The following MACROD2 variants were observed in gnomAD, a reference collection of about 807,000 sequenced individuals.
MACROD2 encodes ADP-ribose glycohydrolase MACROD2.
MACROD2 carries 36 observed loss-of-function variants against 70.4 expected under a neutral mutation model. That is an observed-to-expected ratio of 0.51 (90% CI 0.39 to 0.68). The LOEUF is 0.68. Ranked by LOEUF, MACROD2 falls within the 30% of genes least tolerant of loss-of-function variation. The pLI is 0.00. For missense variants in MACROD2, 496 were observed against 538.4 expected, an observed-to-expected ratio of 0.92 and a Z score of 0.78; for synonymous variants, 172 against 178.8, an observed-to-expected ratio of 0.96 and a Z score of 0.30.
chr20:14,613,851 C>T (rs917529819), intron 4 of MACROD2, among the ~76,000 whole-genome samples: 3 of 152,142 alleles, frequency 2.0e-5, no homozygotes, highest in Non-Finnish European at 2.9e-5. Context: ...ATATCATTTA[C>T]TTATCTAGCT....
intron 15 of MACROD2, among the ~76,000 whole-genome samples, chr20:16,020,976 T>C (rs1246112811): frequency 6.6e-6 from 1 of 152,040 alleles, no homozygotes; most frequent in Non-Finnish European, 1.5e-5. Flanking sequence ...CAGAGAAAAA[T>C]AAAGCTTCCT....
At chr20:14,756,856 C>G (rs1213674806) in intron 5 of MACROD2, among the ~76,000 whole-genome samples, 1 of 152,028 alleles carries the variant, frequency 6.6e-6, no homozygotes, top group Non-Finnish European at 1.5e-5. Context: ...ATACTGTTCT[C>G]GTGATAGTGA....
intron 8 of MACROD2, among the ~76,000 whole-genome samples, chr20:15,523,551 A>G (rs749214105): frequency 9.9e-5 from 15 of 152,004 alleles, no homozygotes; most frequent in South Asian, 4.2e-4. Flanking sequence ...CTGCACACAC[A>G]TGGTATGTGT....
At chr20:15,647,053 C>A (rs1276323945) in intron 8 of MACROD2, among the ~76,000 whole-genome samples, 1 of 152,220 alleles carries the variant, frequency 6.6e-6, no homozygotes, top group African/African-American at 2.4e-5. Context: ...TTTATTCATT[C>A]ACCCATTACT....
intron 3 of MACROD2, among the ~76,000 whole-genome samples, chr20:14,124,919 G>A (rs566094265): frequency 2.6e-5 from 4 of 152,198 alleles, no homozygotes; most frequent in Admixed American, 2.0e-4. Context: ...ATCTTCTGAC[G>A]AATGGATACA....
intron 10 of MACROD2, among the ~76,000 whole-genome samples, chr20:15,909,517 T>TTC (rs2065201562): frequency 4.7e-5 from 2 of 42,490 alleles, no homozygotes; most frequent in African/African-American, 1.0e-4. Context: ...TAATACAATT[T>TTC]TTTTTTTTTT....
At chr20:14,945,833 C>G (rs1267934461) in intron 5 of MACROD2, among the ~76,000 whole-genome samples, 1 of 152,124 alleles carries the variant, frequency 6.6e-6, no homozygotes, top group Non-Finnish European at 1.5e-5. Context: ...TGTATACTCA[C>G]ATAGAGTTTT....
At chr20:14,826,809 G>T (rs1272327800) in intron 5 of MACROD2, among the ~76,000 whole-genome samples, 1 of 152,090 alleles carries the variant, frequency 6.6e-6, no homozygotes, top group Admixed American at 6.6e-5. Flanking sequence ...GGTCTTAAAA[G>T]AAATGATTTT....
chr20:14,305,890 C>T (rs6042664), intron 3 of MACROD2, among the ~76,000 whole-genome samples: 2,468 of 151,606 alleles, frequency 0.016, 79 homozygotes, highest in African/African-American at 0.057. Flanking sequence ...GTTCCATTCT[C>T]TTCATCTTAA....
chr20:14,804,749 T>C (rs2072618451), intron 5 of MACROD2, among the ~76,000 whole-genome samples: 1 of 152,020 alleles, frequency 6.6e-6, no homozygotes, highest in Admixed American at 6.6e-5. Context: ...GTTGCCGTGG[T>C]CACTAGTGAC....
intron 6 of MACROD2, among the ~76,000 whole-genome samples, chr20:15,382,258 G>A (rs1030236784): frequency 1.3e-5 from 2 of 152,110 alleles, no homozygotes; most frequent in Non-Finnish European, 2.9e-5. Context: ...GCCTGGCAAT[G>A]AAAGGCTCCT....
chr20:14,002,250 G>T, intron 1 of MACROD2, 38 bp from the exon 2 acceptor site: 1 of 1,348,284 alleles, frequency 7.4e-7, no homozygotes, highest in Non-Finnish European at 1.0e-6. Context: ...ATGTTTAAAC[G>T]TTAAATACAA....
chr20:15,682,504 T>C (rs1485952137), intron 8 of MACROD2, among the ~76,000 whole-genome samples: 2 of 152,174 alleles, frequency 1.3e-5, no homozygotes, highest in Admixed American at 1.3e-4. Flanking sequence ...GTACAAGAAT[T>C]ATAGCCATTG....
At chr20:14,460,263 A>C (rs2084352929) in intron 3 of MACROD2, among the ~76,000 whole-genome samples, 1 of 152,066 alleles carries the variant, frequency 6.6e-6, no homozygotes. Flanking sequence ...GCTGGGTCAA[A>C]TGGTATTTCT....
At chr20:15,706,536 A>G (rs187269871) in intron 8 of MACROD2, among the ~76,000 whole-genome samples, 151 of 152,338 alleles carry the variant, frequency 9.9e-4, no homozygotes, top group African/African-American at 3.5e-3. Flanking sequence ...AGCCTATGAA[A>G]AATGAAGGAA....
At chr20:15,600,620 T>C (rs547382787) in intron 8 of MACROD2, among the ~76,000 whole-genome samples, 5 of 152,296 alleles carry the variant, frequency 3.3e-5, no homozygotes, top group Admixed American at 6.5e-5. Context: ...AATAAATGTC[T>C]TACAGAAAAA....
At chr20:15,783,684 CTA>C (rs1264604095) in intron 8 of MACROD2, among the ~76,000 whole-genome samples, 1 of 152,080 alleles carries the variant, frequency 6.6e-6, no homozygotes, top group Non-Finnish European at 1.5e-5. Flanking sequence ...AAAAATGTAA[CTA>C]TTTTGGAAAA....
chr20:15,775,399 T>C (rs2051705494), intron 8 of MACROD2, among the ~76,000 whole-genome samples: 1 of 152,116 alleles, frequency 6.6e-6, no homozygotes, highest in Non-Finnish European at 1.5e-5. Flanking sequence ...AAGGGCAGCC[T>C]CAGGCAGATC....
chr20:15,967,669 T>C, intron 13 of MACROD2, 39 bp downstream of exon 13: 1 of 1,107,254 alleles, frequency 9.0e-7, no homozygotes, highest in Non-Finnish European at 1.3e-6. Flanking sequence ...TCTTTTCTTC[T>C]GCTGGGAAAC....
Sources: allele counts gnomAD v4.1 joint callset (sites outside exome capture counted in the v4.1 genomes callset), GRCh38; gene constraint gnomAD v4.1.1; transcripts MANE v1.5; gene names NCBI Gene and HGNC (gene_info 2026-07-23, HGNC 2026-07-21).